Variants in CCDC170 observed in about 807,000 individuals in gnomAD.
CCDC170 encodes coiled-coil domain containing 170, also known as coiled-coil domain-containing protein 170.
CCDC170 carries 69 observed loss-of-function variants against 72.6 expected under a neutral mutation model. That is an observed-to-expected ratio of 0.95 (90% CI 0.78 to 1.16). The LOEUF is 1.16. Among genes scored for constraint, CCDC170 ranks in the 50% most tolerant of loss-of-function variants. The pLI is 0.00. For synonymous variants in CCDC170, 300 were observed against 303.9 expected (o/e 0.99, Z 0.13); for missense variants, 852 against 832.5 (o/e 1.02, Z -0.29).
At chr6:151,589,972 G>A (rs1315793923) in intron 7 of CCDC170, among the ~76,000 whole-genome samples, 1 of 152,072 alleles carries the variant, frequency 6.6e-6, no homozygotes, top group Non-Finnish European at 1.5e-5. Flanking sequence ...ATTTGTAGCA[G>A]CACTCGTCTG....
At chr6:151,589,305 A>G (rs912838767) in intron 7 of CCDC170, among the ~76,000 whole-genome samples, 4 of 152,122 alleles carry the variant, frequency 2.6e-5, no homozygotes, top group Non-Finnish European at 5.9e-5. Context: ...CGACCAAACA[A>G]AATGAAATAT....
At chr6:151,531,565 G>A (rs368017195) in intron 1 of CCDC170, among the ~76,000 whole-genome samples, 1 of 152,132 alleles carries the variant, frequency 6.6e-6, no homozygotes, top group Non-Finnish European at 1.5e-5. Context: ...AATGTTTAGG[G>A]GGAAAACCCA....
chr6:151,573,725 AAG>A (rs1441317891), intron 6 of CCDC170, among the ~76,000 whole-genome samples: 1 of 152,146 alleles, frequency 6.6e-6, no homozygotes, highest in South Asian at 2.1e-4. Flanking sequence ...GGTGGCAGGC[AAG>A]AGAGAGAGTG....
At chr6:151,554,872 G>GTT (rs1173500486) in intron 5 of CCDC170, among the ~76,000 whole-genome samples, 10,031 of 102,272 alleles carry the variant, frequency 0.098, 818 homozygotes, top group East Asian at 0.34. Flanking sequence ...TTGGACCTCA[G>GTT]TTTTTTTTTT....
chr6:151,534,500 G>T (rs187165912), intron 1 of CCDC170, among the ~76,000 whole-genome samples: 31 of 152,112 alleles, frequency 2.0e-4, no homozygotes, highest in African/African-American at 7.2e-4. Context: ...TATAAGTGAC[G>T]TATGTCCTCA....
intron 6 of CCDC170, among the ~76,000 whole-genome samples, chr6:151,575,432 A>C (rs1295750990): frequency 1.0e-5 from 1 of 95,364 alleles, no homozygotes; most frequent in East Asian, 2.4e-4. Context: ...GACTCTGTCC[A>C]AAAAAAAAAA....
chr6:151,610,546 T>C (rs1025974009), intron 9 of CCDC170, among the ~76,000 whole-genome samples: 1 of 152,212 alleles, frequency 6.6e-6, no homozygotes, highest in East Asian at 1.9e-4. Flanking sequence ...CTCAAATATT[T>C]TCCCACGTAT....
chr6:151,600,506 G>C (rs1363684839), intron 9 of CCDC170, among the ~76,000 whole-genome samples: 1 of 151,902 alleles, frequency 6.6e-6, no homozygotes, highest in African/African-American at 2.4e-5. Flanking sequence ...GTTGGTGTTA[G>C]GGCCCATCCT....
At chr6:151,576,365 C>T (rs1176324103) in intron 6 of CCDC170, among the ~76,000 whole-genome samples, 1 of 152,086 alleles carries the variant, frequency 6.6e-6, no homozygotes, top group Non-Finnish European at 1.5e-5. Context: ...TGGGACACAA[C>T]CTCACCATTC....
rs1376221899 is a variant in CCDC170, at chr6:151,596,363, G to A, written c.1496G>A (p.Ser499Asn). The A allele has an allele frequency of 2.5e-6, 4 of 1,613,782 alleles. No individual in the cohort carries two copies. The highest frequency in any genetic ancestry group is 2.2e-5 in the South Asian group (2 of 91,022). The change falls in exon 9 of 11, where the codon AGC (serine) becomes AAC (asparagine). Residue 499 changes from serine (S) to asparagine (N), a missense_variant. Ser to Asn is a conservative substitution (Grantham distance 46, BLOSUM62 1). Coordinates refer to ENST00000239374, the MANE Select transcript of CCDC170 (RefSeq NM_025059.4). ...AAGACACAGAAAGAGAGACTGGAGA[G>A]CAAAGAATTACACATGAGCCTCCTC... ...KLKTQKERLE[S>N]KELHMSLLRQ...
chr6:151,569,557 C>A (rs545372281), intron 5 of CCDC170, among the ~76,000 whole-genome samples: 1 of 152,304 alleles, frequency 6.6e-6, no homozygotes, highest in Admixed American at 6.5e-5. Context: ...TCACAGGAAG[C>A]TTTATGTTTC....
Position 151,578,349 on chromosome 6 carries a change from G to C in CCDC170, c.1092+4858G>C, listed in dbSNP as rs561008207. Among the ~76,000 whole-genome samples, 11 of 152,316 alleles carry C rather than the reference G, an allele frequency of 7.2e-5. No homozygotes were observed. The South Asian group carries it at 2.3e-3, about 32-fold the overall frequency. ...GTAGGGTTGGTTCCTTCTGAGGGCT[G>C]TGAGGGAGAGTCTGTCCCATGCCTC... On this transcript the variant is annotated intron_variant, in intron 6 of 10. Coordinates refer to ENST00000239374, the MANE Select transcript of CCDC170 (RefSeq NM_025059.4).
chr6:151,611,728 T>C (rs1776874878), intron 9 of CCDC170, among the ~76,000 whole-genome samples: 1 of 152,092 alleles, frequency 6.6e-6, no homozygotes, highest in Non-Finnish European at 1.5e-5. Context: ...TTTGTTTTTT[T>C]GCGACGGAGT....
chr6:151,551,136 A>G (rs1262014770), intron 5 of CCDC170, among the ~76,000 whole-genome samples: 1 of 152,214 alleles, frequency 6.6e-6, no homozygotes, highest in East Asian at 1.9e-4. Flanking sequence ...ATCCACCCAG[A>G]TGCAACAATG....
chr6:151,516,388 A>C (rs1426399556), intron 1 of CCDC170, among the ~76,000 whole-genome samples: 2 of 152,154 alleles, frequency 1.3e-5, no homozygotes, highest in Non-Finnish European at 2.9e-5. Context: ...AAGGCTTAGA[A>C]TGTTATTTTT....
chr6:151,613,852 G>A (rs1256053818), intron 9 of CCDC170, among the ~76,000 whole-genome samples: 2 of 152,102 alleles, frequency 1.3e-5, no homozygotes, highest in African/African-American at 2.4e-5. Flanking sequence ...TTGCCCATAC[G>A]CCTAGGAATG....
chr6:151,566,963 C>T (rs1482355279), intron 5 of CCDC170, among the ~76,000 whole-genome samples: 1 of 152,114 alleles, frequency 6.6e-6, no homozygotes, highest in African/African-American at 2.4e-5. Flanking sequence ...TCTTGTTGCC[C>T]AGGCTGGAGT....
At chr6:151,592,470 C>T (rs1366642391) in intron 7 of CCDC170, among the ~76,000 whole-genome samples, 1 of 152,094 alleles carries the variant, frequency 6.6e-6, no homozygotes, top group African/African-American at 2.4e-5. Context: ...CTTGGGAGGC[C>T]TCACAATCAT....
intron 3 of CCDC170, among the ~76,000 whole-genome samples, chr6:151,543,948 C>T (rs1782734258): frequency 6.6e-6 from 1 of 152,058 alleles, no homozygotes; most frequent in South Asian, 2.1e-4. Flanking sequence ...GACATCTCTT[C>T]GATATACTGA....
Sources: gnomAD v4.1 joint callset for allele counts (sites outside exome capture counted in the v4.1 genomes callset) on GRCh38, gnomAD v4.1.1 for gene constraint, MANE v1.5 for transcripts, NCBI Gene and HGNC (gene_info 2026-07-23, HGNC 2026-07-21) for gene names.